Variants in PDE11A observed in about 807,000 individuals in gnomAD.
PDE11A encodes dual 3',5'-cyclic-AMP and -GMP phosphodiesterase 11A.
PDE11A carries 100 observed loss-of-function variants against 100.5 expected under a neutral mutation model. The observed-to-expected ratio is 1.00, with a 90% CI of 0.85 to 1.18. PDE11A has a LOEUF of 1.18. PDE11A is among the 50% of genes most tolerant of loss of function. The probability of loss-of-function intolerance (pLI) is 0.00; values close to 1 mark genes in which losing one functional copy is unlikely to be tolerated. For synonymous variants in PDE11A, 381 were observed against 420.8 expected (o/e 0.91, Z 1.16); for missense variants, 1,141 against 1,152.6 (o/e 0.99, Z 0.15).
At chr2:178,002,518 A>C (rs1433758579) in intron 2 of PDE11A, among the ~76,000 whole-genome samples, 2 of 152,182 alleles carry the variant, frequency 1.3e-5, no homozygotes, top group Admixed American at 6.5e-5. Context: ...AAATAGCAAG[A>C]TTATAGGAAA....
intron 17 of PDE11A, among the ~76,000 whole-genome samples, chr2:177,675,160 T>C (rs1356965992): frequency 6.6e-6 from 1 of 152,068 alleles, no homozygotes; most frequent in Non-Finnish European, 1.5e-5. Flanking sequence ...CCAAAAATCC[T>C]ATCTTTGAAA....
At chr2:177,906,177 ACACGCACG>A (rs3037874) in intron 2 of PDE11A, among the ~76,000 whole-genome samples, 14 of 151,152 alleles carry the variant, frequency 9.3e-5, no homozygotes, top group South Asian at 8.5e-4. Context: ...ACACACACAC[ACACGCACG>A]CACGCACGCA....
At chr2:178,033,898 A>G (rs1217108483) in intron 1 of PDE11A, among the ~76,000 whole-genome samples, 1 of 152,244 alleles carries the variant, frequency 6.6e-6, no homozygotes, top group African/African-American at 2.4e-5. Context: ...TGAAGGAAGC[A>G]CTAAATATGG....
intron 6 of PDE11A, among the ~76,000 whole-genome samples, chr2:177,821,768 A>T (rs73036079): frequency 0.097 from 14,681 of 151,872 alleles, 744 homozygotes; most frequent in Middle Eastern, 0.14. Context: ...TGACATAATT[A>T]TTAATAATAT....
intron 9 of PDE11A, among the ~76,000 whole-genome samples, chr2:177,809,299 C>T (rs1019730340): frequency 2.6e-5 from 4 of 152,022 alleles, no homozygotes; most frequent in Admixed American, 1.3e-4. Context: ...AAAGCAACAA[C>T]AAAAACAAAA....
intron 2 of PDE11A, among the ~76,000 whole-genome samples, chr2:177,910,606 G>C (rs1017066489): frequency 6.6e-6 from 1 of 151,598 alleles, no homozygotes; most frequent in Admixed American, 6.6e-5. Flanking sequence ...GTCTGTACAC[G>C]CTTGTGCAGC....
intron 13 of PDE11A, among the ~76,000 whole-genome samples, chr2:177,701,776 T>C (rs534762334): frequency 9.2e-5 from 14 of 152,200 alleles, no homozygotes; most frequent in Non-Finnish European, 1.9e-4. Context: ...CTACTCTACA[T>C]GAAAGGCTGA....
At chr2:178,026,750 T>C (rs143298231) in intron 1 of PDE11A, among the ~76,000 whole-genome samples, 1 of 152,266 alleles carries the variant, frequency 6.6e-6, no homozygotes, top group Admixed American at 6.5e-5. Context: ...AACACATTTT[T>C]AAATAAAATG....
chr2:178,047,758 T>G (rs1262225076), intron 1 of PDE11A, among the ~76,000 whole-genome samples: 1 of 152,164 alleles, frequency 6.6e-6, no homozygotes, highest in African/African-American at 2.4e-5. Flanking sequence ...TTCTCCTCTG[T>G]GTTTTCATAA....
intron 12 of PDE11A, among the ~76,000 whole-genome samples, chr2:177,725,792 C>A (rs1351574944): frequency 6.6e-6 from 1 of 152,124 alleles, no homozygotes; most frequent in East Asian, 1.9e-4. Context: ...TCCACTGTGA[C>A]CCTGCTGCTC....
chr2:178,087,353 C>CAA (rs1198466173), intron 2 of PDE11A, among the ~76,000 whole-genome samples: 1 of 82,800 alleles, frequency 1.2e-5, no homozygotes, highest in Non-Finnish European at 2.5e-5. Context: ...GACTCCAACT[C>CAA]AAAAAAAAAA....
intron 1 of PDE11A, among the ~76,000 whole-genome samples, chr2:178,107,773 G>A (rs1229887776): frequency 6.8e-6 from 1 of 147,786 alleles, no homozygotes; most frequent in African/African-American, 2.5e-5. Context: ...CCAGGCCGGA[G>A]TGCCGTGGTG....
At chr2:177,873,147 AC>A (rs1284403867) in intron 5 of PDE11A, among the ~76,000 whole-genome samples, 1 of 152,216 alleles carries the variant, frequency 6.6e-6, no homozygotes, top group Non-Finnish European at 1.5e-5. Context: ...TAATAAAAAA[AC>A]AGAAGTATTT....
chr2:177,980,139 A>C (rs1016930525), intron 2 of PDE11A, among the ~76,000 whole-genome samples: 5 of 150,260 alleles, frequency 3.3e-5, no homozygotes, highest in African/African-American at 1.2e-4. Context: ...TAGACCAATA[A>C]GTAGAAAGTG....
At position 178,044,423 on chromosome 2, in the gene PDE11A, T is replaced by C. The variant is rs191587365; in HGVS notation, c.912+27103A>G. ...TTTATATATATATAAACTTTATATA[T>C]ATGTTTATATACATAAACATATATA... On this transcript the variant is annotated intron_variant, in intron 1 of 19. Transcript: ENST00000286063. Among the ~76,000 whole-genome samples the C allele has an allele frequency of 4.7e-3, 700 of 148,656 alleles. 3 individuals carry two copies. The highest frequency in any genetic ancestry group is 8.4e-3 in the Non-Finnish European group (568 of 67,326).
chr2:177,778,785 C>G (rs1327350898), intron 9 of PDE11A, among the ~76,000 whole-genome samples: 1 of 152,128 alleles, frequency 6.6e-6, no homozygotes, highest in Non-Finnish European at 1.5e-5. Context: ...TGAACAGACG[C>G]GTTGAAACTG....
At position 177,628,348 on chromosome 2, in the gene PDE11A, T is replaced by G. The variant is rs566288225; in HGVS notation, c.*1059A>C. ...AAAGCAGCTTTCTAGTCATTACATC[T>G]ACTTAATACAGTTTATTCTTACCTA... On this transcript the variant is annotated 3_prime_UTR_variant, in exon 20 of 20. Transcript: ENST00000286063. The G allele has an allele frequency of 2.0e-5, 3 of 152,670 alleles. No homozygotes were observed. The highest frequency in any genetic ancestry group is 4.4e-5 in the Non-Finnish European group (3 of 68,034). The allele number at this position is 152,670 out of a possible 1,614,324, so 9.5% of individuals were successfully genotyped here. A position where few individuals can be genotyped will look rare whatever the true frequency, so the allele number is the denominator to read the frequency against.
chr2:178,089,183 G>A lies in PDE11A; in HGVS notation c.162+15119C>T, dbSNP rs57122271. Among the ~76,000 whole-genome samples, 1,388 of 152,338 alleles carry A rather than the reference G, an allele frequency of 9.1e-3. 21 individuals are homozygous for A. Among genetic ancestry groups the A allele is most frequent in the African/African-American group, 0.032 (1,329 of 41,576 alleles). ...GGAGATAAAGGTCGAGAAAGGGACA[G>A]TTAAATGATCAGGGGAAAGTCAGTA... On this transcript the variant is annotated intron_variant, in intron 2 of 20. Transcript: ENST00000358450.
intron 6 of PDE11A, among the ~76,000 whole-genome samples, chr2:177,830,209 G>A (rs1006285647): frequency 1.3e-5 from 2 of 152,152 alleles, no homozygotes; most frequent in African/African-American, 2.4e-5. Context: ...AATTCCACAC[G>A]GCCAATATCT....
Sources: allele counts gnomAD v4.1 joint callset (sites outside exome capture counted in the v4.1 genomes callset), GRCh38; gene constraint gnomAD v4.1.1; transcripts MANE v1.5; gene names NCBI Gene and HGNC (gene_info 2026-07-23, HGNC 2026-07-21).